BABAM2: variants seen among roughly 807,000 people sequenced by gnomAD.
BABAM2 encodes the protein BRISC and BRCA1 A complex member 2.
A neutral mutation model predicts 54.7 loss-of-function variants in BABAM2; 31 were observed. The observed-to-expected ratio is 0.57, with a 90% CI of 0.43 to 0.77. The LOEUF is 0.77. Ranked by LOEUF, BABAM2 falls within the 30% of genes least tolerant of loss-of-function variation. The probability of loss-of-function intolerance (pLI) is 0.00; values close to 1 mark genes in which losing one functional copy is unlikely to be tolerated. For missense variants in BABAM2, 364 were observed against 455.8 expected, an observed-to-expected ratio of 0.80 and a Z score of 1.83; for synonymous variants, 167 against 162.9, an observed-to-expected ratio of 1.03 and a Z score of -0.19.
At chr2:27,909,512 T>C (rs1179153021) in intron 2 of BABAM2, among the ~76,000 whole-genome samples, 4 of 152,198 alleles carry the variant, frequency 2.6e-5, no homozygotes, top group Non-Finnish European at 5.9e-5. Flanking sequence ...ATTCCATAGG[T>C]TGCCTTTTTA....
intron 6 of BABAM2, among the ~76,000 whole-genome samples, chr2:28,090,394 G>A (rs1272960157): frequency 4.6e-5 from 7 of 152,042 alleles, no homozygotes; most frequent in South Asian, 2.1e-4. Context: ...ACAGGTGTGC[G>A]CCACCACACC....
At chr2:28,338,059 G>A (rs544674813) in intron 11 of BABAM2, among the ~76,000 whole-genome samples, 4 of 152,288 alleles carry the variant, frequency 2.6e-5, no homozygotes, top group African/African-American at 9.6e-5. Context: ...CCAACTGAGT[G>A]GAAAATGCAA....
At chr2:27,939,100 T>G (rs942985349) in intron 3 of BABAM2, among the ~76,000 whole-genome samples, 1 of 152,006 alleles carries the variant, frequency 6.6e-6, no homozygotes, top group Admixed American at 6.6e-5. Flanking sequence ...CTACAGGCAC[T>G]GGCCACCATG....
chr2:27,946,440 C>T (rs1573233970), intron 3 of BABAM2, among the ~76,000 whole-genome samples: 1 of 152,106 alleles, frequency 6.6e-6, no homozygotes, highest in South Asian at 2.1e-4. Context: ...GTATTTGATG[C>T]TGTATTTCTT....
intron 4 of BABAM2, among the ~76,000 whole-genome samples, chr2:27,989,354 G>A (rs1379628551): frequency 6.6e-6 from 1 of 152,138 alleles, no homozygotes; most frequent in Non-Finnish European, 1.5e-5. Flanking sequence ...TAGTTGAGGC[G>A]AGACTTGTAC....
chr2:28,011,993 C>T (rs749609201), intron 4 of BABAM2, among the ~76,000 whole-genome samples: 4 of 152,136 alleles, frequency 2.6e-5, no homozygotes, highest in Admixed American at 1.3e-4. Flanking sequence ...TCTTAACTCT[C>T]TAAGTTTGAA....
At chr2:27,945,327 C>A (rs1421204760) in intron 3 of BABAM2, among the ~76,000 whole-genome samples, 1 of 151,922 alleles carries the variant, frequency 6.6e-6, no homozygotes, top group African/African-American at 2.4e-5. Context: ...CCATGCCTGG[C>A]CTTTGAGCTA....
chr2:28,252,150 C>T (rs2148107247), intron 10 of BABAM2, among the ~76,000 whole-genome samples: 1 of 150,822 alleles, frequency 6.6e-6, no homozygotes, highest in Admixed American at 6.6e-5. Context: ...CGTGCCGTTG[C>T]ACTCCACCCT....
chr2:28,125,963 T>C (rs190674234), intron 6 of BABAM2, among the ~76,000 whole-genome samples: 1 of 152,312 alleles, frequency 6.6e-6, no homozygotes, highest in Admixed American at 6.5e-5. Context: ...TGCAAATGTG[T>C]ATATGTTTTT....
At position 27,961,987 on chromosome 2, in the gene BABAM2, C is replaced by T. The variant is rs147871408; in HGVS notation, c.206-26006C>T. 7.2e-4 allele frequency among the ~76,000 whole-genome samples: 109 copies of T among 152,210 alleles called. 1 individual carries two copies. In the South Asian group the frequency reaches 0.017, roughly 24 times the overall value. ...TCAAATGATTATCCTGCCTCAGCCT[C>T]CCAAAATAGTGAGATTACAGGCGTG... On this transcript the variant is annotated intron_variant, in intron 3 of 11. Transcript: ENST00000379624.
chr2:28,174,344 A>C (rs1558405872), intron 7 of BABAM2, among the ~76,000 whole-genome samples: 1 of 152,214 alleles, frequency 6.6e-6, no homozygotes. Context: ...ATATATATAA[A>C]AGAAATATGG....
chr2:28,250,318 C>CTTT (rs35545683), intron 10 of BABAM2, among the ~76,000 whole-genome samples: 16 of 118,758 alleles, frequency 1.3e-4, no homozygotes, highest in African/African-American at 2.9e-4. Context: ...ATTTGTTGAA[C>CTTT]TTTTTTTTTT....
At chr2:28,138,913 CT>C (rs1314016118) in intron 7 of BABAM2, among the ~76,000 whole-genome samples, 1 of 152,154 alleles carries the variant, frequency 6.6e-6, no homozygotes, top group Non-Finnish European at 1.5e-5. Context: ...AGCTTGATCC[CT>C]GTCACTTCCT....
chr2:28,159,244 T>A (rs1465715258), intron 7 of BABAM2, among the ~76,000 whole-genome samples: 1 of 152,128 alleles, frequency 6.6e-6, no homozygotes, highest in Non-Finnish European at 1.5e-5. Context: ...GGAATAAGAT[T>A]GAAGATGTCC....
rs550456519 is a variant in BABAM2 at position 27,909,179 on chromosome 2, G to A, written c.128+14495G>A. Among the ~76,000 whole-genome samples the A allele has an allele frequency of 5.9e-5, 9 of 152,068 alleles. 1 individual carries two copies. Among genetic ancestry groups the A allele is most frequent in the African/African-American group, 2.2e-4 (9 of 41,462 alleles). On this transcript the variant is annotated intron_variant, in intron 2 of 11. Transcript: ENST00000379624. ...CCCACCTCAGCCTCTTGAGTAGCTG[G>A]GACCACAGGCATGTGCCACCATACC...
chr2:28,253,318 C>G (rs1263277941), intron 10 of BABAM2, among the ~76,000 whole-genome samples: 1 of 151,538 alleles, frequency 6.6e-6, no homozygotes, highest in East Asian at 1.9e-4. Context: ...ATGAGAATTG[C>G]TTGAACCCAG....
intron 7 of BABAM2, among the ~76,000 whole-genome samples, chr2:28,232,092 CA>C (rs778644147): frequency 9.2e-5 from 14 of 152,144 alleles, no homozygotes; most frequent in Non-Finnish European, 2.1e-4. Flanking sequence ...AGGCCCAAGC[CA>C]CTGTGCCTGG....
At position 27,957,589 on chromosome 2, in the gene BABAM2, AT is replaced by A. The variant is rs1174155114; in HGVS notation, c.205+27685del. ...ACTCTAGACAGCACTAAGAGTAGACATTTTAAAAAAGAATTCGGTAGAGCAT... is the reference window on the plus strand; with the variant it reads ...ACTCTAGACAGCACTAAGAGTAGACATTTAAAAAAGAATTCGGTAGAGCAT... On this transcript the variant is annotated intron_variant, in intron 3 of 11. Transcript: ENST00000379624. Among the ~76,000 whole-genome samples the A allele has an allele frequency of 3.9e-5, 6 of 152,292 alleles. No homozygotes were observed. The South Asian group carries it at 8.3e-4, about 21-fold the overall frequency.
At chr2:28,007,303 CA>C (rs2148523764) in intron 4 of BABAM2, among the ~76,000 whole-genome samples, 1 of 152,038 alleles carries the variant, frequency 6.6e-6, no homozygotes, top group East Asian at 1.9e-4. Flanking sequence ...CACAGGTGTA[CA>C]TATTATCGTT....
Sources: allele counts gnomAD v4.1 joint callset (sites outside exome capture counted in the v4.1 genomes callset), GRCh38; gene constraint gnomAD v4.1.1; transcripts MANE v1.5; gene names NCBI Gene and HGNC (gene_info 2026-07-23, HGNC 2026-07-21).